The following KLF12 variants were observed in gnomAD, a reference collection of about 807,000 sequenced individuals.
KLF12 encodes Krueppel-like factor 12.
A neutral mutation model predicts 37.8 loss-of-function variants in KLF12; 9 were observed. The observed-to-expected ratio is 0.24, with a 90% CI of 0.14 to 0.42. The LOEUF (loss-of-function observed/expected upper bound fraction) is 0.42, where lower values mean the gene tolerates loss of function less well. KLF12 is among the 10% of genes least tolerant of loss of function. The pLI is 1.00. For synonymous variants in KLF12, 208 were observed against 202.1 expected (o/e 1.03, Z -0.25); for missense variants, 411 against 516.0 (o/e 0.80, Z 1.97).
At chr13:74,297,247 C>T in the KLF12 span, among the ~76,000 whole-genome samples, 1 of 152,142 alleles carries the variant, frequency 6.6e-6, no homozygotes, top group South Asian at 2.1e-4. Context: ...CAGGATTTCT[C>T]AGTGTATTCC....
chr13:73,888,861 G>C (rs1887359180), intron 3 of KLF12, among the ~76,000 whole-genome samples: 1 of 152,192 alleles, frequency 6.6e-6, no homozygotes, highest in African/African-American at 2.4e-5. Context: ...TACCTATGGA[G>C]GCTCCACTGC....
At chr13:74,099,881 A>C (rs1188166338) in intron 1 of KLF12, among the ~76,000 whole-genome samples, 1 of 152,222 alleles carries the variant, frequency 6.6e-6, no homozygotes, top group East Asian at 1.9e-4. Flanking sequence ...ATACATACTA[A>C]ACAGTACTGA....
intron 1 of KLF12, among the ~76,000 whole-genome samples, chr13:74,120,048 A>G (rs948034076): frequency 3.9e-5 from 6 of 152,236 alleles, no homozygotes; most frequent in Admixed American, 3.3e-4. Context: ...TACTGGAGCA[A>G]TATCTTTAAC....
intron 4 of KLF12, among the ~76,000 whole-genome samples, chr13:73,841,667 G>C (rs1450437248): frequency 6.6e-6 from 1 of 152,160 alleles, no homozygotes; most frequent in African/African-American, 2.4e-5. Flanking sequence ...TCATGTCTTA[G>C]ATTGCACAGT....
At chr13:74,264,772 C>T in the KLF12 span, among the ~76,000 whole-genome samples, 2 of 152,012 alleles carry the variant, frequency 1.3e-5, no homozygotes, top group African/African-American at 4.8e-5. Context: ...AAAATAAATA[C>T]ACAAAATAAA....
At chr13:73,993,259 C>T (rs116229448) in intron 2 of KLF12, among the ~76,000 whole-genome samples, 3 of 152,302 alleles carry the variant, frequency 2.0e-5, no homozygotes, top group Admixed American at 6.5e-5. Context: ...AAATTAAATA[C>T]TCACTGCTCC....
chr13:73,819,395 A>G (rs775528223), intron 4 of KLF12, among the ~76,000 whole-genome samples: 8 of 152,168 alleles, frequency 5.3e-5, no homozygotes, highest in Non-Finnish European at 8.8e-5. Flanking sequence ...ATCTCTCACC[A>G]TCTCCTGGAC....
chr13:74,100,395 A>G (rs1054217985), intron 1 of KLF12, among the ~76,000 whole-genome samples: 20 of 152,150 alleles, frequency 1.3e-4, no homozygotes, highest in Admixed American at 1.3e-3. Flanking sequence ...AGGTGGGTGG[A>G]TCACTTGAGG....
chr13:74,100,471 A>C (rs1876266211), intron 1 of KLF12, among the ~76,000 whole-genome samples: 1 of 152,106 alleles, frequency 6.6e-6, no homozygotes, highest in South Asian at 2.1e-4. Context: ...TACAAAAATC[A>C]GCTAGGTGTG....
At chr13:74,084,973 C>G (rs1667117384) in intron 1 of KLF12, among the ~76,000 whole-genome samples, 1 of 152,016 alleles carries the variant, frequency 6.6e-6, no homozygotes, top group Non-Finnish European at 1.5e-5. Flanking sequence ...ATATATTATG[C>G]TAGTTATATT....
chr13:74,120,755 GA>G (rs1190723611), intron 1 of KLF12, among the ~76,000 whole-genome samples: 1 of 151,824 alleles, frequency 6.6e-6, no homozygotes, highest in Non-Finnish European at 1.5e-5. Context: ...CAATGAAAGA[GA>G]AAAAAATGGC....
the KLF12 span, among the ~76,000 whole-genome samples, chr13:74,221,504 A>T: frequency 6.6e-6 from 1 of 152,060 alleles, no homozygotes; most frequent in Non-Finnish European, 1.5e-5. Context: ...ATTAATGTAG[A>T]TCTAATTTCC....
chr13:73,854,980 A>C (rs1885531164), intron 3 of KLF12, among the ~76,000 whole-genome samples: 1 of 152,190 alleles, frequency 6.6e-6, no homozygotes, highest in African/African-American at 2.4e-5. Context: ...GTGGAGAGAA[A>C]TCTCTCTTTT....
the KLF12 span, among the ~76,000 whole-genome samples, chr13:74,304,137 T>A: frequency 6.6e-6 from 1 of 152,156 alleles, no homozygotes; most frequent in Non-Finnish European, 1.5e-5. Context: ...GTGAGTACAC[T>A]GGCTGCAGCT....
chr13:74,010,820 T>C (rs1892532575), intron 1 of KLF12, among the ~76,000 whole-genome samples: 2 of 152,148 alleles, frequency 1.3e-5, no homozygotes, highest in Admixed American at 6.5e-5. Flanking sequence ...TCTAGAAACA[T>C]GCATTAATGT....
intron 1 of KLF12, among the ~76,000 whole-genome samples, chr13:74,101,739 G>A (rs1258409902): frequency 6.6e-6 from 1 of 152,076 alleles, no homozygotes; most frequent in African/African-American, 2.4e-5. Context: ...GACAGTAATG[G>A]GTTATAACCC....
chr13:74,242,290 A>T, the KLF12 span, among the ~76,000 whole-genome samples: 2 of 152,330 alleles, frequency 1.3e-5, no homozygotes, highest in East Asian at 3.9e-4. Flanking sequence ...GTGACCTATT[A>T]ATTCATAAAG....
the KLF12 span, among the ~76,000 whole-genome samples, chr13:74,159,059 T>C: frequency 6.6e-6 from 1 of 152,186 alleles, no homozygotes; most frequent in Non-Finnish European, 1.5e-5. Context: ...AAAACAGGCA[T>C]GATCTTCCTA....
At chr13:74,254,761 C>A in the KLF12 span, among the ~76,000 whole-genome samples, 1 of 152,022 alleles carries the variant, frequency 6.6e-6, no homozygotes, top group African/African-American at 2.4e-5. Flanking sequence ...CCATCACATG[C>A]CATGGTTTGC....
Sources: gnomAD v4.1 joint callset for allele counts (sites outside exome capture counted in the v4.1 genomes callset) on GRCh38, gnomAD v4.1.1 for gene constraint, MANE v1.5 for transcripts, NCBI Gene and HGNC (gene_info 2026-07-23, HGNC 2026-07-21) for gene names.